The following HS3ST3B1 variants were observed in gnomAD, a reference collection of about 807,000 sequenced individuals.
The protein encoded by HS3ST3B1 is heparan sulfate glucosamine 3-O-sulfotransferase 3B1.
Under a neutral mutation model 21.3 loss-of-function variants are expected in HS3ST3B1, and 13 were observed. That is an observed-to-expected ratio of 0.61 (90% CI 0.40 to 0.97). HS3ST3B1 has a LOEUF of 0.97. HS3ST3B1 is among the 50% of genes least tolerant of loss of function. HS3ST3B1 has a pLI of 0.00. For missense variants in HS3ST3B1, 459 were observed against 554.8 expected (o/e 0.83, Z 1.73); for synonymous variants, 234 against 254.8 (o/e 0.92, Z 0.78).
chr17:14,322,898 CTTTTTTT>C (rs34065582), intron 1 of HS3ST3B1, among the ~76,000 whole-genome samples: 2 of 94,586 alleles, frequency 2.1e-5, no homozygotes, highest in Non-Finnish European at 4.3e-5. Flanking sequence ...GTGTCTATGT[CTTTTTTT>C]TTTTTTTTTT....
chr17:14,302,352 C>A (rs1203253873), intron 1 of HS3ST3B1, among the ~76,000 whole-genome samples: 1 of 152,224 alleles, frequency 6.6e-6, no homozygotes, highest in Non-Finnish European at 1.5e-5. Flanking sequence ...GCGACTGAGA[C>A]CGCCCTCAGC....
chr17:14,311,139 C>T (rs1350585861), intron 1 of HS3ST3B1, among the ~76,000 whole-genome samples: 1 of 150,278 alleles, frequency 6.7e-6, no homozygotes, highest in Non-Finnish European at 1.5e-5. Flanking sequence ...GGCTGGAGTG[C>T]AGTGGCACAA....
At position 14,312,101 on chromosome 17, in the gene HS3ST3B1, T is replaced by TA. The variant is rs11289762; in HGVS notation, c.554+10040dup. The stretch of plus-strand genomic sequence containing the variant: ...GCCAGAAAGTCAGCAACTGTGTGAT[T>TA]AAAAAAAAAAATGTCTTAGCCTCCG... On this transcript the variant is annotated intron_variant, in intron 1 of 1. Transcript: ENST00000360954. Among the ~76,000 whole-genome samples, 289 of 150,588 alleles carry TA rather than the reference T, an allele frequency of 1.9e-3. 1 individual carries two copies. The highest frequency in any genetic ancestry group is 6.6e-3 in the African/African-American group (271 of 41,110).
At chr17:14,326,827 A>G (rs1909832309) in intron 1 of HS3ST3B1, among the ~76,000 whole-genome samples, 1 of 149,888 alleles carries the variant, frequency 6.7e-6, no homozygotes, top group African/African-American at 2.5e-5. Flanking sequence ...AGGCTGAGGC[A>G]GGAGACTCGC....
chr17:14,327,398 G>A (rs982927476), intron 1 of HS3ST3B1: 2 of 152,184 alleles, frequency 1.3e-5, no homozygotes, highest in African/African-American at 4.8e-5. Context: ...AAGTTCAATG[G>A]GGGGAGATGG....
intron 1 of HS3ST3B1, among the ~76,000 whole-genome samples, chr17:14,325,482 A>G (rs535559774): frequency 5.9e-5 from 9 of 152,358 alleles, no homozygotes; most frequent in Non-Finnish European, 1.0e-4. Flanking sequence ...AACTCCCACC[A>G]GAAAGAACTT....
chr17:14,337,448 C>T (rs1232132196), intron 1 of HS3ST3B1, among the ~76,000 whole-genome samples: 1 of 151,818 alleles, frequency 6.6e-6, no homozygotes, highest in Non-Finnish European at 1.5e-5. Flanking sequence ...CTGCCTCAGC[C>T]TCCTGAATAG....
intron 1 of HS3ST3B1, among the ~76,000 whole-genome samples, chr17:14,331,452 C>T (rs973149471): frequency 6.6e-6 from 1 of 152,056 alleles, no homozygotes; most frequent in Non-Finnish European, 1.5e-5. Context: ...TATTCAAGGG[C>T]TTTTCATTTT....
chr17:14,312,651 C>A (rs1038582853), intron 1 of HS3ST3B1, among the ~76,000 whole-genome samples: 1 of 151,974 alleles, frequency 6.6e-6, no homozygotes, highest in East Asian at 1.9e-4. Context: ...CATTTGACTC[C>A]CCTTCTCTGA....
At chr17:14,309,954 C>A (rs1332874160) in intron 1 of HS3ST3B1, among the ~76,000 whole-genome samples, 1 of 152,174 alleles carries the variant, frequency 6.6e-6, no homozygotes, top group Admixed American at 6.5e-5. Flanking sequence ...AGTCAATTTG[C>A]AACGAGCACG....
intron 1 of HS3ST3B1, among the ~76,000 whole-genome samples, chr17:14,326,912 ACT>A (rs982864038): frequency 7.8e-5 from 11 of 140,294 alleles, no homozygotes; most frequent in Non-Finnish European, 1.5e-5. Context: ...CAAGAGTGAA[ACT>A]CTGTCTCAAA....
intron 1 of HS3ST3B1, 119 bp downstream of exon 1, chr17:14,302,191 AG>A: frequency 2.4e-6 from 3 of 1,235,146 alleles, no homozygotes; most frequent in Non-Finnish European, 3.3e-6. Flanking sequence ...GGGGTAGGGC[AG>A]GGAAACTACG....
At chr17:14,311,952 T>C (rs913678707) in intron 1 of HS3ST3B1, among the ~76,000 whole-genome samples, 5 of 152,216 alleles carry the variant, frequency 3.3e-5, no homozygotes, top group African/African-American at 1.2e-4. Context: ...AAATTACTAG[T>C]AAATCTGAAA....
chr17:14,307,135 T>C (rs1350425738), intron 1 of HS3ST3B1, among the ~76,000 whole-genome samples: 2 of 152,320 alleles, frequency 1.3e-5, no homozygotes, highest in South Asian at 2.1e-4. Flanking sequence ...ATTACACTTA[T>C]TATCTTCCAA....
intron 1 of HS3ST3B1, among the ~76,000 whole-genome samples, chr17:14,319,653 G>C (rs1909597129): frequency 6.6e-6 from 1 of 152,098 alleles, no homozygotes; most frequent in Non-Finnish European, 1.5e-5. Context: ...CTAGTAGGGA[G>C]ATGGGCAGTA....
At chr17:14,322,720 C>G (rs1409548939) in intron 1 of HS3ST3B1, among the ~76,000 whole-genome samples, 2 of 152,028 alleles carry the variant, frequency 1.3e-5, no homozygotes, top group African/African-American at 2.4e-5. Context: ...CATGTCCTCT[C>G]TCCCCCATTC....
intron 1 of HS3ST3B1, among the ~76,000 whole-genome samples, chr17:14,311,823 A>T (rs1454396303): frequency 6.6e-6 from 1 of 152,092 alleles, no homozygotes; most frequent in African/African-American, 2.4e-5. Context: ...ACTTGTATGC[A>T]TCGTTTCTCT....
At chr17:14,314,082 C>T (rs1289637442) in intron 1 of HS3ST3B1, among the ~76,000 whole-genome samples, 7 of 150,456 alleles carry the variant, frequency 4.7e-5, no homozygotes, top group East Asian at 4.0e-4. Flanking sequence ...CGGGTTCAAG[C>T]GATTCTCCTG....
At chr17:14,321,117 G>A (rs1023712371) in intron 1 of HS3ST3B1, among the ~76,000 whole-genome samples, 2 of 152,232 alleles carry the variant, frequency 1.3e-5, no homozygotes, top group Non-Finnish European at 2.9e-5. Flanking sequence ...TCTGAGGATG[G>A]AGTTTGGGCA....
Sources: gnomAD v4.1 joint callset for allele counts (sites outside exome capture counted in the v4.1 genomes callset) on GRCh38, gnomAD v4.1.1 for gene constraint, MANE v1.5 for transcripts, NCBI Gene and HGNC (gene_info 2026-07-23, HGNC 2026-07-21) for gene names.